INPP5B: variants seen among roughly 807,000 people sequenced by gnomAD.
INPP5B encodes the protein type II inositol 1,4,5-trisphosphate 5-phosphatase.
A neutral mutation model predicts 118.5 loss-of-function variants in INPP5B; 90 were observed. The ratio of observed to expected loss-of-function variants is 0.76; its 90% CI spans 0.64 to 0.90. The LOEUF (loss-of-function observed/expected upper bound fraction) is 0.90. INPP5B is among the 40% of genes least tolerant of loss of function. INPP5B has a pLI of 0.00. For missense variants in INPP5B, 984 were observed against 1,125.6 expected (o/e 0.87, Z 1.80); for synonymous variants, 385 against 418.9 (o/e 0.92, Z 0.99).
At chr1:37,926,330 G>A (rs60766942) in intron 7 of INPP5B, among the ~76,000 whole-genome samples, 1,740 of 150,640 alleles carry the variant, frequency 0.012, 18 homozygotes, top group Non-Finnish European at 0.017. Context: ...TCTCACTGTC[G>A]TCAGGCTGGC....
intron 7 of INPP5B, among the ~76,000 whole-genome samples, chr1:37,926,048 A>G (rs887056247): frequency 2.0e-5 from 3 of 152,216 alleles, no homozygotes; most frequent in Non-Finnish European, 4.4e-5. Context: ...AGTTTTACCT[A>G]TTAGTACTGA....
In INPP5B at chr1:37,939,077, C is replaced by A. The variant is rs189387363; in HGVS notation, c.391+1611G>T. On this transcript the variant is annotated intron_variant, in intron 6 of 23. Coordinates refer to ENST00000373024, the MANE Select transcript of INPP5B (RefSeq NM_005540.3). ...GGCGTGGTGGTGGGCGCCAGTAATC[C>A]CAGCTACTCGGGAGGCTGAAGCAGG... Among the ~76,000 whole-genome samples the A allele has an allele frequency of 1.2e-3, 184 of 151,956 alleles. 1 individual carries two copies. In the Middle Eastern group the frequency reaches 0.034, roughly 28 times the overall value.
chr1:37,932,084 C>G (rs1444201880), intron 6 of INPP5B, 31 bp from the exon 7 acceptor site: 2 of 1,539,372 alleles, frequency 1.3e-6, no homozygotes, highest in South Asian at 1.2e-5. Flanking sequence ...GCAGACTGAG[C>G]CACGAGCTTG....
At chr1:37,915,687 A>C (rs1028543608) in intron 7 of INPP5B, among the ~76,000 whole-genome samples, 1 of 152,246 alleles carries the variant, frequency 6.6e-6, no homozygotes, top group African/African-American at 2.4e-5. Context: ...AAAGTCTGGA[A>C]GGGTGCACAG....
intron 21 of INPP5B, among the ~76,000 whole-genome samples, chr1:37,866,216 C>G (rs749806493): frequency 2.4e-4 from 37 of 152,184 alleles, no homozygotes; most frequent in Non-Finnish European, 3.7e-4. Flanking sequence ...GTGGGAGGCT[C>G]CACAGGCTCC....
intron 7 of INPP5B, among the ~76,000 whole-genome samples, chr1:37,911,257 C>T (rs1272551527): frequency 6.6e-6 from 1 of 152,198 alleles, no homozygotes; most frequent in African/African-American, 2.4e-5. Flanking sequence ...ACACTTGACG[C>T]ATATACTTTC....
At chr1:37,908,280 G>T (rs754059059) in intron 7 of INPP5B, among the ~76,000 whole-genome samples, 1 of 152,080 alleles carries the variant, frequency 6.6e-6, no homozygotes, top group Admixed American at 6.6e-5. Context: ...GTGACCTCAG[G>T]TCCTCAGACC....
chr1:37,911,004 A>G (rs550411420), intron 7 of INPP5B, among the ~76,000 whole-genome samples: 21 of 151,958 alleles, frequency 1.4e-4, no homozygotes, highest in African/African-American at 4.3e-4. Flanking sequence ...ACTCATCCCA[A>G]CCTTTTTCAT....
Position 37,907,161 on chromosome 1 carries a change from AT to A in INPP5B, c.533-15708del, listed in dbSNP as rs1389562333. On this transcript the variant is annotated intron_variant, in intron 7 of 23. Transcript: ENST00000373024. This position sits in a 1 kb window ranked among gnomAD's most constrained non-coding sequence, Gnocchi z 4.3. Reference sequence around the variant, plus strand: ...TAGTTTATTTGGAATAATTTCACTTATTTTGCTTTACCGTTGTGGAATACAT... The same window carrying A: ...TAGTTTATTTGGAATAATTTCACTTATTTGCTTTACCGTTGTGGAATACAT... 1.3e-5 allele frequency among the ~76,000 whole-genome samples: 2 copies of A among 152,130 alleles called. No individual in the cohort carries two copies. Among genetic ancestry groups the A allele is most frequent in the Non-Finnish European group, 2.9e-5 (2 of 68,030 alleles).
At chr1:37,940,262 A>G (rs1645863265) in intron 6 of INPP5B, among the ~76,000 whole-genome samples, 2 of 152,126 alleles carry the variant, frequency 1.3e-5, no homozygotes, top group South Asian at 4.1e-4. Context: ...AAGCTAGACC[A>G]TTTTCTCAGC....
chr1:37,889,704 T>C lies in INPP5B; in HGVS notation c.650A>G (p.Glu217Gly). The change falls in exon 9 of 24, where the codon GAA becomes GGA. Residue 217 changes from glutamate to glycine, a missense_variant. Physicochemically the swap from Glu to Gly is moderately conservative, Grantham distance 98. Around this residue, in one of 2 missense-constraint regions of INPP5B, gnomAD observed 350 missense variants for 334.6 expected, o/e 1.05. Transcript: ENST00000373024. ...GGAGGAGCGAACCATGTCAGTAATT[T>C]CGGACTTGGATTTATTCTGTCTGGA... ...LQPRQNKSKS[E>G]ITDMVRSSTI... is the part of the protein sequence containing the mutation. The C allele has an allele frequency of 6.2e-7, 1 of 1,612,384 alleles. No individual in the cohort carries two copies. Among genetic ancestry groups the C allele is most frequent in the Admixed American group, 1.7e-5 (1 of 59,624 alleles).
intron 7 of INPP5B, among the ~76,000 whole-genome samples, chr1:37,906,375 A>G (rs2148584907): frequency 6.6e-6 from 1 of 152,334 alleles, no homozygotes; most frequent in East Asian, 1.9e-4. Flanking sequence ...AAAAAGTATT[A>G]TCTAAGATTT....
At chr1:37,902,599 C>A (rs1644370853) in intron 7 of INPP5B, among the ~76,000 whole-genome samples, 1 of 152,090 alleles carries the variant, frequency 6.6e-6, no homozygotes, top group African/African-American at 2.4e-5. Context: ...CTCTTGTTAA[C>A]CAGGCTGGAG....
chr1:37,886,934 G>C lies in INPP5B; in HGVS notation c.1085C>G (p.Ser362Ter). Residue 362 changes from serine (S) to a stop codon, truncating the protein, a stop_gained, in exon 12 of 24, where the codon TCA becomes TGA. Coordinates refer to ENST00000373024, the MANE Select transcript of INPP5B (RefSeq NM_005540.3). LOFTEE classifies it high-confidence loss of function. ...YVKQEHAAYI[S>*]EVEAETVGTG... Reference sequence around the variant, plus strand: ...CCCCACAGTCTCGGCTTCCACTTCTGAGATATAAGCTGCATGCTCCTGTTT... The same window carrying C: ...CCCCACAGTCTCGGCTTCCACTTCTCAGATATAAGCTGCATGCTCCTGTTT... The C allele has an allele frequency of 6.2e-7, 1 of 1,614,126 alleles. No homozygotes were observed. The highest frequency in any genetic ancestry group is 8.5e-7 in the Non-Finnish European group (1 of 1,180,022).
chr1:37,936,382 A>G (rs983184715), intron 6 of INPP5B, among the ~76,000 whole-genome samples: 1 of 152,158 alleles, frequency 6.6e-6, no homozygotes, highest in African/African-American at 2.4e-5. Flanking sequence ...GCACTTTGGG[A>G]GGCCGAGGCG....
At chr1:37,897,162 G>A (rs1436949499) in intron 7 of INPP5B, among the ~76,000 whole-genome samples, 5 of 150,888 alleles carry the variant, frequency 3.3e-5, no homozygotes, top group Admixed American at 1.3e-4. Context: ...GGTGAGGGGC[G>A]CCTCTGCCTG....
intron 7 of INPP5B, among the ~76,000 whole-genome samples, chr1:37,908,374 A>G (rs184855726): frequency 3.3e-5 from 5 of 151,974 alleles, no homozygotes; most frequent in East Asian, 3.9e-4. Context: ...CTACCCTTCA[A>G]TCTTCCTCTC....
rs975666700 is a variant in INPP5B, at chr1:37,907,711, G to A, written c.533-16257C>T. Among the ~76,000 whole-genome samples, 15 of 152,142 alleles carry A rather than the reference G, an allele frequency of 9.9e-5. No homozygotes were observed. The highest frequency in any genetic ancestry group is 3.2e-3 in the Middle Eastern group (1 of 316). ...GATGGCCATGAGAGTGACCCACCTC[G>A]TCCTCATTGCTACATTCCCTCCAGT... On this transcript the variant is annotated intron_variant, in intron 7 of 23. Coordinates refer to ENST00000373024, the MANE Select transcript of INPP5B (RefSeq NM_005540.3). This position sits in a 1 kb window ranked among gnomAD's most constrained non-coding sequence, Gnocchi z 4.3.
At position 37,944,795 on chromosome 1, in the gene INPP5B, C is replaced by T. The variant is rs552351797; in HGVS notation, c.153-902G>A. 2.1e-3 allele frequency among the ~76,000 whole-genome samples: 287 copies of T among 136,128 alleles called. 3 individuals are homozygous for T. The highest frequency in any genetic ancestry group is 6.4e-3 in the African/African-American group (243 of 37,826). 89.3% of individuals were successfully genotyped at this position (136,128 alleles called of 152,430 possible). Reference sequence around the variant, plus strand: ...TGGAGCCGGGGAGCGGGAGGTGGGGCGGGGTAGGGGGGGCGGTCTCGCTAT... The same window carrying T: ...TGGAGCCGGGGAGCGGGAGGTGGGGTGGGGTAGGGGGGGCGGTCTCGCTAT... On this transcript the variant is annotated intron_variant, in intron 3 of 23. Coordinates refer to ENST00000373024, the MANE Select transcript of INPP5B (RefSeq NM_005540.3).
Sources: allele counts gnomAD v4.1 joint callset (sites outside exome capture counted in the v4.1 genomes callset), GRCh38; gene constraint gnomAD v4.1.1; regional missense constraint gnomAD v4.1.1; non-coding constraint Gnocchi (gnomAD v3.1); transcripts MANE v1.5; gene names NCBI Gene and HGNC (gene_info 2026-07-23, HGNC 2026-07-21).